MSH4: variants seen among roughly 807,000 people sequenced by gnomAD.
MSH4 encodes mutS homolog 4.
MSH4 carries 106 observed loss-of-function variants against 113.7 expected under a neutral mutation model. The ratio of observed to expected loss-of-function variants is 0.93; its 90% CI spans 0.80 to 1.10. The LOEUF (loss-of-function observed/expected upper bound fraction) is 1.10. Ranked by LOEUF, MSH4 falls within the 50% of genes least tolerant of loss-of-function variation. The pLI, the probability that MSH4 is intolerant of heterozygous loss-of-function variation, is 0.00. For missense variants in MSH4, 1,061 were observed against 1,093.7 expected (o/e 0.97, Z 0.42); for synonymous variants, 368 against 380.2 (o/e 0.97, Z 0.37).
intron 9 of MSH4, among the ~76,000 whole-genome samples, chr1:75,871,179 C>G (rs1651705320): frequency 6.6e-6 from 1 of 152,100 alleles, no homozygotes; most frequent in Non-Finnish European, 1.5e-5. Flanking sequence ...GAGGAACTAT[C>G]ACACACTTAT....
At chr1:75,887,753 T>G (rs1174786491) in intron 15 of MSH4, among the ~76,000 whole-genome samples, 1 of 152,144 alleles carries the variant, frequency 6.6e-6, no homozygotes, top group Non-Finnish European at 1.5e-5. Flanking sequence ...CTCCAGAATC[T>G]TAAGAAGGTA....
rs377374314 is a variant in MSH4 at position 75,864,482 on chromosome 1, A to G, written c.1231-3032A>G. On this transcript the variant is annotated intron_variant, in intron 8 of 19. Coordinates refer to ENST00000263187, the MANE Select transcript of MSH4 (RefSeq NM_002440.4). Reference sequence around the variant, plus strand: ...TTTATCCATTTATCCTCCCATCAGCATATGAGAACTCCAGTTTTTCTTCCC... The same window carrying G: ...TTTATCCATTTATCCTCCCATCAGCGTATGAGAACTCCAGTTTTTCTTCCC... 1.9e-4 allele frequency among the ~76,000 whole-genome samples: 29 copies of G among 152,334 alleles called. No individual in the cohort carries two copies. In the South Asian group the frequency reaches 5.2e-3, roughly 27 times the overall value.
intron 9 of MSH4, among the ~76,000 whole-genome samples, chr1:75,871,762 T>A (rs1041636242): frequency 6.6e-6 from 1 of 152,236 alleles, no homozygotes; most frequent in Admixed American, 6.5e-5. Context: ...TTCAGAAACA[T>A]TGGCCAATAT....
intron 9 of MSH4, among the ~76,000 whole-genome samples, chr1:75,871,761 A>G (rs1173330466): frequency 6.6e-6 from 1 of 152,220 alleles, no homozygotes; most frequent in African/African-American, 2.4e-5. Context: ...TTTCAGAAAC[A>G]TTGGCCAATA....
At position 75,837,649 on chromosome 1, in the gene MSH4, A is replaced by G. The variant is rs189467520; in HGVS notation, c.1163-10560A>G. Among the ~76,000 whole-genome samples the G allele has an allele frequency of 9.2e-5, 14 of 152,140 alleles. No individual in the cohort carries two copies. In the East Asian group the frequency reaches 1.4e-3, roughly 15 times the overall value. ...GTGATCCACCAGCCTCGGCCTCCCA[A>G]TGTGCTGGGATTACAGGCGTGAACC... On this transcript the variant is annotated intron_variant, in intron 7 of 19. Coordinates refer to ENST00000263187, the MANE Select transcript of MSH4 (RefSeq NM_002440.4).
chr1:75,828,764 A>G (rs1000551824), intron 7 of MSH4, among the ~76,000 whole-genome samples: 1 of 152,220 alleles, frequency 6.6e-6, no homozygotes, highest in Non-Finnish European at 1.5e-5. Flanking sequence ...CAATGTATCT[A>G]TGCAACAAAC....
chr1:75,906,216 C>G (rs911146296), intron 19 of MSH4, among the ~76,000 whole-genome samples: 1 of 150,952 alleles, frequency 6.6e-6, no homozygotes, highest in African/African-American at 2.4e-5. Context: ...GTCTTGAACT[C>G]CTGTTTTTTT....
chr1:75,805,218 A>T (rs1650033444), intron 2 of MSH4, among the ~76,000 whole-genome samples: 1 of 152,096 alleles, frequency 6.6e-6, no homozygotes, highest in Admixed American at 6.6e-5. Context: ...CTAAAAATAC[A>T]TTTATGCTGT....
intron 19 of MSH4, among the ~76,000 whole-genome samples, chr1:75,912,125 T>G (rs1652800608): frequency 6.6e-6 from 1 of 152,110 alleles, no homozygotes; most frequent in South Asian, 2.1e-4. Flanking sequence ...AAAATGTAAT[T>G]TACCCCTCAG....
chr1:75,797,008 C>T lies in MSH4; in HGVS notation c.23C>T (p.Ser8Leu), dbSNP rs914029048. 6 of 1,614,026 alleles carry T rather than the reference C, an allele frequency of 3.7e-6. No homozygotes were observed. Among genetic ancestry groups the T allele is most frequent in the Non-Finnish European group, 5.1e-6 (6 of 1,180,046 alleles). Residue 8 changes from serine to leucine, a missense_variant, in exon 1 of 20, where the codon TCA becomes TTA. Transcript: ENST00000263187. ...AGGATGCTGAGGCCTGAGATCTCAT[C>T]AACCTCGCCTTCTGCCCCGGCGGTT... MLRPEIS[S>L]TSPSAPAVSP...
At chr1:75,882,137 T>C (rs541746988) in intron 14 of MSH4, among the ~76,000 whole-genome samples, 2 of 152,206 alleles carry the variant, frequency 1.3e-5, no homozygotes, top group Non-Finnish European at 2.9e-5. Context: ...TGGTATTTTA[T>C]AGGCCAAAAC....
At chr1:75,865,447 T>G (rs1311717007) in intron 8 of MSH4, among the ~76,000 whole-genome samples, 16 of 152,150 alleles carry the variant, frequency 1.1e-4, no homozygotes, top group Non-Finnish European at 2.1e-4. Context: ...TGCTATTGTT[T>G]ATTACGTATA....
intron 10 of MSH4, among the ~76,000 whole-genome samples, chr1:75,877,572 A>G (rs1651842407): frequency 6.6e-6 from 1 of 152,184 alleles, no homozygotes; most frequent in Admixed American, 6.6e-5. Context: ...TGGCTTAATT[A>G]CAAATAAAAT....
chr1:75,802,846 T>G (rs1649969110), intron 1 of MSH4, among the ~76,000 whole-genome samples: 1 of 152,122 alleles, frequency 6.6e-6, no homozygotes, highest in Non-Finnish European at 1.5e-5. Context: ...GGAGGCACAT[T>G]TAGTGAGGGT....
intron 10 of MSH4, 62 bp from the exon 11 acceptor site, chr1:75,878,087 A>G: frequency 1.6e-6 from 2 of 1,239,060 alleles, no homozygotes; most frequent in Non-Finnish European, 2.2e-6. Context: ...GATTCAAATT[A>G]TAAATTAAAA....
rs141857320 is a variant in MSH4 at position 75,857,684 on chromosome 1, A to G, written c.1230+9408A>G. On this transcript the variant is annotated intron_variant, in intron 8 of 19. Coordinates refer to ENST00000263187, the MANE Select transcript of MSH4 (RefSeq NM_002440.4). The stretch of plus-strand genomic sequence containing the variant: ...GTACCAGTACCATGCTGTTTTGGTT[A>G]CTGTAGCCTTGTAGTACAGCTTGAA... Among the ~76,000 whole-genome samples the G allele has an allele frequency of 2.5e-4, 38 of 152,226 alleles. No homozygotes were observed. The East Asian group carries it at 7.3e-3, about 29-fold the overall frequency.
At chr1:75,836,219 T>A (rs1040147838) in intron 7 of MSH4, among the ~76,000 whole-genome samples, 1 of 152,152 alleles carries the variant, frequency 6.6e-6, no homozygotes, top group African/African-American at 2.4e-5. Flanking sequence ...GTTGGTTGGC[T>A]TGGTTTCCCT....
intron 7 of MSH4, among the ~76,000 whole-genome samples, chr1:75,833,366 T>C (rs950827912): frequency 2.0e-5 from 3 of 152,330 alleles, no homozygotes; most frequent in East Asian, 1.9e-4. Flanking sequence ...CTGCCCAAGG[T>C]ATTTTATATA....
intron 15 of MSH4, among the ~76,000 whole-genome samples, chr1:75,887,885 T>G (rs773567489): frequency 2.6e-5 from 4 of 151,864 alleles, no homozygotes; most frequent in Non-Finnish European, 5.9e-5. Flanking sequence ...TCAGCAAACA[T>G]TTATCATGAG....
Sources: gnomAD v4.1 joint callset for allele counts (sites outside exome capture counted in the v4.1 genomes callset) on GRCh38, gnomAD v4.1.1 for gene constraint, MANE v1.5 for transcripts, NCBI Gene and HGNC (gene_info 2026-07-23, HGNC 2026-07-21) for gene names.